The following SMOC1 variants were observed in gnomAD, a reference collection of about 807,000 sequenced individuals.
SMOC1 encodes the protein SPARC related modular calcium binding 1.
Under a neutral mutation model 56.3 loss-of-function variants are expected in SMOC1, and 22 were observed. The observed-to-expected ratio is 0.39, with a 90% CI of 0.28 to 0.56. The LOEUF is 0.56. SMOC1 is among the 20% of genes least tolerant of loss of function. The pLI is 0.61. For synonymous variants in SMOC1, 193 were observed against 215.0 expected (o/e 0.90, Z 0.89); for missense variants, 509 against 565.4 (o/e 0.90, Z 1.01).
rs982967314 is a variant in SMOC1, at chr14:69,944,574, A to T, written c.100-7564A>T. Among the ~76,000 whole-genome samples the T allele has an allele frequency of 4.6e-5, 7 of 152,362 alleles. No individual in the cohort carries two copies. The South Asian group carries it at 1.2e-3, about 27-fold the overall frequency. On this transcript the variant is annotated intron_variant, in intron 1 of 11. Coordinates refer to ENST00000361956, the MANE Select transcript of SMOC1 (RefSeq NM_001034852.3). ...ATTTAGGGTGTCAAAAAATTGACTT[A>T]TAACTGATTTTTTTTTCCATCTGGC...
At chr14:69,931,080 G>A (rs1343253378) in intron 1 of SMOC1, among the ~76,000 whole-genome samples, 1 of 152,172 alleles carries the variant, frequency 6.6e-6, no homozygotes, top group African/African-American at 2.4e-5. Context: ...TTTATGGAGT[G>A]ACTTTCCTAC....
intron 5 of SMOC1, among the ~76,000 whole-genome samples, chr14:69,986,198 A>C (rs1405556958): frequency 1.3e-5 from 2 of 152,254 alleles, no homozygotes; most frequent in African/African-American, 2.4e-5. Context: ...ACAGTCTAGA[A>C]ATGACAGCAT....
chr14:69,992,513 C>G, intron 6 of SMOC1, 40 bp downstream of exon 6: 3 of 1,468,794 alleles, frequency 2.0e-6, no homozygotes, highest in Non-Finnish European at 2.9e-6. Flanking sequence ...TTCTCCCACT[C>G]ATTTTCAGGT....
chr14:69,888,607 C>T (rs192703596), intron 1 of SMOC1, among the ~76,000 whole-genome samples: 66 of 152,234 alleles, frequency 4.3e-4, no homozygotes, highest in Non-Finnish European at 6.6e-4. Context: ...AACTACGCCT[C>T]GCCTCCTTAA....
chr14:69,982,069 G>A (rs1000538242), intron 5 of SMOC1, among the ~76,000 whole-genome samples: 1 of 152,192 alleles, frequency 6.6e-6, no homozygotes, highest in African/African-American at 2.4e-5. Context: ...AGTGCCCAGA[G>A]CATCAGAGGC....
intron 1 of SMOC1, among the ~76,000 whole-genome samples, chr14:69,880,674 C>A (rs1883613553): frequency 6.6e-6 from 1 of 152,218 alleles, no homozygotes; most frequent in African/African-American, 2.4e-5. Context: ...TCCAGGCAAT[C>A]TCTGGCCAAG....
intron 7 of SMOC1, among the ~76,000 whole-genome samples, chr14:70,000,571 T>G (rs1415293478): frequency 6.6e-6 from 1 of 152,154 alleles, no homozygotes; most frequent in African/African-American, 2.4e-5. Flanking sequence ...TTTGAGCGGG[T>G]GCGAGTCAGT....
intron 5 of SMOC1, among the ~76,000 whole-genome samples, chr14:69,983,194 A>G (rs558930092): frequency 2.0e-5 from 3 of 152,332 alleles, no homozygotes; most frequent in African/African-American, 7.2e-5. Flanking sequence ...TTCCTGCCAT[A>G]TCCTCATCTC....
intron 1 of SMOC1, among the ~76,000 whole-genome samples, chr14:69,915,765 A>G (rs557550878): frequency 3.3e-5 from 5 of 152,308 alleles, no homozygotes; most frequent in Admixed American, 2.0e-4. Context: ...TGACACAGTT[A>G]ATCACTGCCT....
At chr14:69,909,995 A>G (rs1299968) in intron 1 of SMOC1, among the ~76,000 whole-genome samples, 143,652 of 152,248 alleles carry the variant, frequency 0.94, 68,311 homozygotes, top group South Asian at 1. Flanking sequence ...ATGTTTCCTA[A>G]CCTGGAGCAG....
At chr14:69,946,136 G>A (rs1202918976) in intron 1 of SMOC1, among the ~76,000 whole-genome samples, 1 of 152,178 alleles carries the variant, frequency 6.6e-6, no homozygotes, top group Non-Finnish European at 1.5e-5. Context: ...TGGTCTCCCT[G>A]AGCAAAAGCT....
chr14:69,928,078 C>A (rs75772531), intron 1 of SMOC1, among the ~76,000 whole-genome samples: 1 of 152,158 alleles, frequency 6.6e-6, no homozygotes, highest in Non-Finnish European at 1.5e-5. Context: ...TGAATGAAGT[C>A]CAGGAAGCTT....
chr14:69,983,883 C>G (rs143646461), intron 5 of SMOC1, among the ~76,000 whole-genome samples: 1 of 152,182 alleles, frequency 6.6e-6, no homozygotes, highest in Admixed American at 6.5e-5. Context: ...CCACAGAACT[C>G]GTGTGGTAAA....
intron 1 of SMOC1, among the ~76,000 whole-genome samples, chr14:69,883,145 A>G (rs567288596): frequency 6.6e-6 from 1 of 152,250 alleles, no homozygotes; most frequent in Non-Finnish European, 1.5e-5. Context: ...TGGTGAGAGC[A>G]CTTAACATCC....
At chr14:69,904,317 C>G (rs546885416) in intron 1 of SMOC1, among the ~76,000 whole-genome samples, 1 of 152,312 alleles carries the variant, frequency 6.6e-6, no homozygotes, top group Admixed American at 6.5e-5. Context: ...AAACCAGCTG[C>G]CTTGATCTGG....
intron 1 of SMOC1, among the ~76,000 whole-genome samples, chr14:69,882,053 C>T (rs1313174113): frequency 6.6e-6 from 1 of 152,190 alleles, no homozygotes; most frequent in Non-Finnish European, 1.5e-5. Flanking sequence ...AACCCGGATA[C>T]ATCAGGGGAG....
intron 1 of SMOC1, among the ~76,000 whole-genome samples, chr14:69,894,667 G>A (rs1480945860): frequency 6.6e-6 from 1 of 152,170 alleles, no homozygotes; most frequent in South Asian, 2.1e-4. Context: ...GGTGAGAAGG[G>A]TGATGGACGT....
At chr14:69,950,546 C>A (rs1204792273) in intron 1 of SMOC1, among the ~76,000 whole-genome samples, 1 of 152,212 alleles carries the variant, frequency 6.6e-6, no homozygotes, top group Admixed American at 6.5e-5. Context: ...TTACCGATGG[C>A]CTGATTTGTG....
intron 1 of SMOC1, among the ~76,000 whole-genome samples, chr14:69,931,871 C>T (rs1161737980): frequency 6.6e-6 from 1 of 152,228 alleles, no homozygotes; most frequent in African/African-American, 2.4e-5. Flanking sequence ...ACTTCTGATT[C>T]TTGTCATTAG....
Sources: allele counts gnomAD v4.1 joint callset (sites outside exome capture counted in the v4.1 genomes callset), GRCh38; gene constraint gnomAD v4.1.1; transcripts MANE v1.5; gene names NCBI Gene and HGNC (gene_info 2026-07-23, HGNC 2026-07-21).